Variants in NDFIP1 observed in about 807,000 individuals in gnomAD.
NDFIP1 encodes the protein Nedd4 family interacting protein 1.
Under a neutral mutation model 28.8 loss-of-function variants are expected in NDFIP1, and 7 were observed. That is an observed-to-expected ratio of 0.24 (90% CI 0.14 to 0.46). The LOEUF (loss-of-function observed/expected upper bound fraction) is 0.46, where lower values mean the gene tolerates loss of function less well. NDFIP1 is among the 20% of genes least tolerant of loss of function. NDFIP1 has a pLI of 0.99. For synonymous variants in NDFIP1, 92 were observed against 101.0 expected, an observed-to-expected ratio of 0.91 and a Z score of 0.53; for missense variants, 194 against 269.1, an observed-to-expected ratio of 0.72 and a Z score of 1.95.
chr5:142,129,834 C>A (rs1042073639), intron 1 of NDFIP1, among the ~76,000 whole-genome samples: 1 of 148,344 alleles, frequency 6.7e-6, no homozygotes, highest in South Asian at 2.2e-4. Context: ...TTGCTTGAAC[C>A]TGGGAGGTGG....
intron 3 of NDFIP1, among the ~76,000 whole-genome samples, chr5:142,132,732 A>G (rs1357972938): frequency 2.6e-5 from 4 of 152,184 alleles, no homozygotes; most frequent in Non-Finnish European, 5.9e-5. Flanking sequence ...TTAAACTCAT[A>G]AGAGGGATCT....
At chr5:142,132,452 G>C (rs77710969) in intron 3 of NDFIP1, 110 bp downstream of exon 3, 140,390 of 1,336,210 alleles carry the variant, frequency 0.11, 10,009 homozygotes, top group East Asian at 0.37. Context: ...TGAAAGTAGA[G>C]CTAATTTTAA....
chr5:142,149,434 CTT>C (rs10684292), intron 7 of NDFIP1, among the ~76,000 whole-genome samples: 4 of 114,680 alleles, frequency 3.5e-5, no homozygotes, highest in Non-Finnish European at 3.4e-5. Context: ...TATTGGATTC[CTT>C]TTTTTTTTTT....
intron 1 of NDFIP1, among the ~76,000 whole-genome samples, chr5:142,111,503 C>T (rs1164627516): frequency 1.3e-5 from 2 of 152,024 alleles, no homozygotes; most frequent in African/African-American, 4.8e-5. Context: ...AGCGAATATG[C>T]ATTTTTAAAA....
At chr5:142,132,061 C>A in intron 2 of NDFIP1, 151 bp from the exon 3 acceptor site, 1 of 1,054,608 alleles carries the variant, frequency 9.5e-7, no homozygotes, top group Non-Finnish European at 1.4e-6. Context: ...CACCCCCAGT[C>A]TCTTACATTC....
rs1340313784 is a variant in NDFIP1 at position 142,152,193 on chromosome 5, AT to A, written c.*466del. The A allele has an allele frequency of 6.5e-6, 1 of 152,776 alleles. No individual in the cohort carries two copies. The highest frequency in any genetic ancestry group is 1.5e-5 in the Non-Finnish European group (1 of 68,034). The allele number at this position is 152,776 out of a possible 1,614,324, so 9.5% of individuals were successfully genotyped here. A position where few individuals can be genotyped will look rare whatever the true frequency, so the allele number is the denominator to read the frequency against. On this transcript the variant is annotated 3_prime_UTR_variant, in exon 8 of 8. Transcript: ENST00000253814. ...TGCTATGACTGTGTTTTTGCACATA[AT>A]CCATATTTGCTGTTCAAGTTAATCT...
intron 1 of NDFIP1, 80 bp downstream of exon 1, chr5:142,109,117 C>A: frequency 8.4e-7 from 1 of 1,190,090 alleles, no homozygotes; most frequent in Non-Finnish European, 1.1e-6. Flanking sequence ...CCTCTCTGGC[C>A]GGCCCGCGGC....
At chr5:142,134,808 T>C (rs1757258094) in intron 3 of NDFIP1, among the ~76,000 whole-genome samples, 1 of 152,230 alleles carries the variant, frequency 6.6e-6, no homozygotes, top group Non-Finnish European at 1.5e-5. Flanking sequence ...CAAGTTAGGA[T>C]GGAAAAGATC....
chr5:142,132,249 G>T lies in NDFIP1; in HGVS notation c.189G>T (p.Lys63Asn). The change falls in exon 3 of 8, where the codon AAG becomes AAT. Residue 63 changes from lysine (K) to asparagine (N), a missense_variant. By Grantham distance (94) the Lys-to-Asn change is moderately conservative. Transcript: ENST00000253814. ...FDYKDESGFP[K>N]PPSYNVATTL... ...ACAAGGATGAGTCTGGGTTTCCAAAGCCCCCATCTTACAATGTAGCTACAA... is the reference window on the plus strand; with the variant it reads ...ACAAGGATGAGTCTGGGTTTCCAAATCCCCCATCTTACAATGTAGCTACAA... 2.5e-6 allele frequency: 4 copies of T among 1,614,018 alleles called. No homozygotes were observed. The highest frequency in any genetic ancestry group is 3.4e-6 in the Non-Finnish European group (4 of 1,180,012).
At chr5:142,130,748 A>G (rs1203484343) in intron 1 of NDFIP1, among the ~76,000 whole-genome samples, 2 of 152,132 alleles carry the variant, frequency 1.3e-5, no homozygotes, top group African/African-American at 4.8e-5. Context: ...ATATTTGAAC[A>G]TGCAGATACA....
intron 1 of NDFIP1, among the ~76,000 whole-genome samples, chr5:142,116,615 C>T (rs1757071584): frequency 6.6e-6 from 1 of 152,074 alleles, no homozygotes; most frequent in South Asian, 2.1e-4. Context: ...ATGATCTACC[C>T]ACCTTGGCTT....
chr5:142,144,703 C>A, intron 7 of NDFIP1, 27 bp downstream of exon 7: 1 of 1,362,974 alleles, frequency 7.3e-7, no homozygotes, highest in South Asian at 1.2e-5. Context: ...TTATTCTAGT[C>A]CCAGTGTAAC....
rs374832332 is a variant in NDFIP1, at chr5:142,150,141, A to G, written c.*3-1590A>G. On this transcript the variant is annotated intron_variant, in intron 7 of 7. Coordinates refer to ENST00000253814, the MANE Select transcript of NDFIP1 (RefSeq NM_030571.4). ...GCTTGCAGTGAGCCGAAATTGTGCC[A>G]CTGCACTCCAGCCTGGGTGATAGAG... Among the ~76,000 whole-genome samples, 29 of 149,492 alleles carry G rather than the reference A, an allele frequency of 1.9e-4. No homozygotes were observed. The East Asian group carries it at 4.1e-3, about 21-fold the overall frequency.
At chr5:142,112,834 A>AT (rs201323144) in intron 1 of NDFIP1, among the ~76,000 whole-genome samples, 2,405 of 146,608 alleles carry the variant, frequency 0.016, 38 homozygotes, top group Non-Finnish European at 0.023. Context: ...GCATTATTTT[A>AT]TTTTTTTTTT....
chr5:142,142,624 T>C (rs1431736665), intron 6 of NDFIP1, among the ~76,000 whole-genome samples: 2 of 152,116 alleles, frequency 1.3e-5, no homozygotes, highest in Non-Finnish European at 2.9e-5. Context: ...ACCATTTGCT[T>C]GTAAGCAAAA....
chr5:142,129,874 G>A (rs1383858756), intron 1 of NDFIP1, among the ~76,000 whole-genome samples: 7 of 141,946 alleles, frequency 4.9e-5, no homozygotes, highest in African/African-American at 1.9e-4. Context: ...TCCCACCATT[G>A]CTCTCCAGCC....
intron 1 of NDFIP1, among the ~76,000 whole-genome samples, chr5:142,125,407 T>C (rs1757160961): frequency 6.6e-6 from 1 of 152,184 alleles, no homozygotes; most frequent in Non-Finnish European, 1.5e-5. Context: ...ACTCTGTTGC[T>C]CAGACTGAGC....
intron 1 of NDFIP1, among the ~76,000 whole-genome samples, chr5:142,118,703 A>G (rs1333981785): frequency 1.3e-5 from 2 of 152,210 alleles, no homozygotes; most frequent in African/African-American, 2.4e-5. Context: ...AAGTATTGAC[A>G]TGAATTATTT....
chr5:142,115,613 A>G (rs956154951), intron 1 of NDFIP1, among the ~76,000 whole-genome samples: 12 of 152,158 alleles, frequency 7.9e-5, no homozygotes, highest in African/African-American at 2.9e-4. Flanking sequence ...GACAATTTAG[A>G]TAAAGCAACT....
Sources: allele counts gnomAD v4.1 joint callset (sites outside exome capture counted in the v4.1 genomes callset), GRCh38; gene constraint gnomAD v4.1.1; transcripts MANE v1.5; gene names NCBI Gene and HGNC (gene_info 2026-07-23, HGNC 2026-07-21).